KCNK2: variants seen among roughly 807,000 people sequenced by gnomAD.
KCNK2 encodes potassium channel subfamily K member 2.
A neutral mutation model predicts 40.5 loss-of-function variants in KCNK2; 21 were observed. The observed-to-expected ratio is 0.52, with a 90% confidence interval of 0.37 to 0.75. The LOEUF (loss-of-function observed/expected upper bound fraction) is 0.75, where lower values mean the gene tolerates loss of function less well. KCNK2 is among the 30% of genes least tolerant of loss of function. The pLI is 0.00. For synonymous variants in KCNK2, 191 were observed against 202.2 expected (o/e 0.94, Z 0.47); for missense variants, 399 against 531.6 (o/e 0.75, Z 2.45).
intron 3 of KCNK2, among the ~76,000 whole-genome samples, chr1:215,131,170 A>G (rs1661659817): frequency 6.6e-6 from 1 of 151,292 alleles, no homozygotes; most frequent in Non-Finnish European, 1.5e-5. Context: ...AGTTTTTTTT[A>G]TTTTTAAGTT....
intron 3 of KCNK2, among the ~76,000 whole-genome samples, chr1:215,136,533 A>G (rs1661924189): frequency 6.6e-6 from 1 of 152,186 alleles, no homozygotes; most frequent in African/African-American, 2.4e-5. Flanking sequence ...ATGCTAAGAT[A>G]TATTCTGTGA....
intron 1 of KCNK2, among the ~76,000 whole-genome samples, chr1:215,048,803 C>A (rs1380176292): frequency 1.3e-5 from 2 of 152,150 alleles, no homozygotes; most frequent in Non-Finnish European, 2.9e-5. Context: ...TCATCCCAGC[C>A]TGGACATGCA....
intron 5 of KCNK2, among the ~76,000 whole-genome samples, chr1:215,175,438 G>A (rs12118235): frequency 0.077 from 9,995 of 128,984 alleles, 399 homozygotes; most frequent in Middle Eastern, 0.16. Flanking sequence ...GATACCAAAT[G>A]TCTGCCTCTG....
chr1:215,123,238 C>T (rs1029980456), intron 2 of KCNK2, among the ~76,000 whole-genome samples: 14 of 151,438 alleles, frequency 9.2e-5, no homozygotes, highest in Non-Finnish European at 1.9e-4. Context: ...AAAAAACCTG[C>T]ATGTGGAATA....
intron 2 of KCNK2, among the ~76,000 whole-genome samples, chr1:215,113,419 C>A (rs1270985283): frequency 2.0e-5 from 3 of 151,990 alleles, no homozygotes; most frequent in African/African-American, 7.3e-5. Flanking sequence ...ACCAAGTGAC[C>A]CACTTAGCCT....
chr1:215,039,369 A>G (rs1278197130), intron 1 of KCNK2, among the ~76,000 whole-genome samples: 1 of 152,142 alleles, frequency 6.6e-6, no homozygotes, highest in Admixed American at 6.6e-5. Flanking sequence ...GAAGCCACTG[A>G]GTTATATAAT....
intron 3 of KCNK2, among the ~76,000 whole-genome samples, chr1:215,165,370 T>G (rs1663396215): frequency 6.6e-6 from 1 of 152,164 alleles, no homozygotes; most frequent in Non-Finnish European, 1.5e-5. Flanking sequence ...TACAGCATGC[T>G]ATTTTGCCAT....
intron 1 of KCNK2, among the ~76,000 whole-genome samples, chr1:215,045,367 GGT>G (rs1173609914): frequency 2.0e-5 from 3 of 152,250 alleles, no homozygotes; most frequent in Admixed American, 2.0e-4. Flanking sequence ...AATTTGTCTG[GGT>G]CTTTGTACTA....
intron 3 of KCNK2, among the ~76,000 whole-genome samples, chr1:215,163,344 T>A (rs539530251): frequency 3.9e-5 from 6 of 152,302 alleles, no homozygotes; most frequent in African/African-American, 1.4e-4. Flanking sequence ...TTTCTAAATA[T>A]ACAATCACGT....
intron 1 of KCNK2, among the ~76,000 whole-genome samples, chr1:215,077,046 C>T (rs1658968768): frequency 6.6e-6 from 1 of 152,198 alleles, no homozygotes; most frequent in Non-Finnish European, 1.5e-5. Flanking sequence ...AGCATAGTAG[C>T]CTCCAAGGCT....
chr1:215,007,159 A>ATG (rs1371467414), intron 1 of KCNK2, among the ~76,000 whole-genome samples: 1 of 116,036 alleles, frequency 8.6e-6, no homozygotes, highest in African/African-American at 3.7e-5. Context: ...ATATATATGT[A>ATG]TGTATATATA....
intron 6 of KCNK2, among the ~76,000 whole-genome samples, chr1:215,224,328 A>T (rs1413030413): frequency 6.6e-6 from 1 of 152,120 alleles, no homozygotes; most frequent in Non-Finnish European, 1.5e-5. Flanking sequence ...CGGACTCTGG[A>T]CGCTATTCTA....
chr1:215,115,525 T>C (rs148839649), intron 2 of KCNK2, among the ~76,000 whole-genome samples: 1 of 152,252 alleles, frequency 6.6e-6, no homozygotes, highest in African/African-American at 2.4e-5. Flanking sequence ...TTTCAGGTAC[T>C]GTCTCCCTGA....
In KCNK2 at chr1:215,084,182, G is replaced by GCACACACACACA. The variant is rs71945726; in HGVS notation, c.46+777_46+788dup. Among the ~76,000 whole-genome samples, 596 of 141,946 alleles carry GCACACACACACA rather than the reference G, an allele frequency of 4.2e-3. 3 individuals carry two copies. The highest frequency in any genetic ancestry group is 6.6e-3 in the South Asian group (28 of 4,260). The allele number at this position is 141,946 out of a possible 152,430, so 93.1% of individuals were successfully genotyped here. A position where few individuals can be genotyped will look rare whatever the true frequency, so the allele number is the denominator to read the frequency against. ...CCTTCTGGAAATGTATTAGGTTAAT[G>GCACACACACACA]CACACACACACACACACACACACAC... On this transcript the variant is annotated intron_variant, in intron 1 of 6. Transcript: ENST00000444842.
chr1:215,203,223 G>T (rs1300322264), intron 6 of KCNK2, among the ~76,000 whole-genome samples: 2 of 152,184 alleles, frequency 1.3e-5, no homozygotes, highest in Non-Finnish European at 2.9e-5. Context: ...CAAGTGAAAA[G>T]AAATGATTTG....
At chr1:215,117,959 G>A (rs575568295) in intron 2 of KCNK2, among the ~76,000 whole-genome samples, 1 of 152,180 alleles carries the variant, frequency 6.6e-6, no homozygotes, top group South Asian at 2.1e-4. Context: ...TAGAGGAGGA[G>A]TGTCTTGTGT....
intron 1 of KCNK2, among the ~76,000 whole-genome samples, chr1:215,023,075 A>G (rs1558060037): frequency 6.6e-6 from 1 of 152,212 alleles, no homozygotes; most frequent in Non-Finnish European, 1.5e-5. Context: ...CAGATTTTGA[A>G]ACTGAAGTAG....
chr1:215,073,506 G>T (rs1247154197), intron 1 of KCNK2, among the ~76,000 whole-genome samples: 1 of 152,108 alleles, frequency 6.6e-6, no homozygotes, highest in Admixed American at 6.6e-5. Flanking sequence ...AGGATAAATA[G>T]AACTTATTTT....
At chr1:215,024,831 A>G (rs1168825495) in intron 1 of KCNK2, among the ~76,000 whole-genome samples, 1 of 152,152 alleles carries the variant, frequency 6.6e-6, no homozygotes, top group Non-Finnish European at 1.5e-5. Context: ...CTTTATATCC[A>G]TCTCCACCCA....
Sources: gnomAD v4.1 joint callset for allele counts (sites outside exome capture counted in the v4.1 genomes callset) on GRCh38, gnomAD v4.1.1 for gene constraint, MANE v1.5 for transcripts, NCBI Gene and HGNC (gene_info 2026-07-23, HGNC 2026-07-21) for gene names.